IQSEC1: variants seen among roughly 807,000 people sequenced by gnomAD.
The protein encoded by IQSEC1 is IQ motif and SEC7 domain-containing protein 1.
In IQSEC1, 31 loss-of-function variants were observed where a neutral mutation model predicts 91.0. That is an observed-to-expected ratio of 0.34 (90% CI 0.26 to 0.46). The LOEUF is 0.46. IQSEC1 is among the 20% of genes least tolerant of loss of function. IQSEC1 has a pLI of 1.00. For synonymous variants in IQSEC1, 699 were observed against 662.6 expected, an observed-to-expected ratio of 1.05 and a Z score of -0.84; for missense variants, 1,388 against 1,575.6, an observed-to-expected ratio of 0.88 and a Z score of 2.02.
In IQSEC1 at chr3:12,901,159, G is replaced by A. The variant is rs1174917562; in HGVS notation, c.3169C>T (p.Gln1057Ter). ...HPPQHIQHAHQYHHGPHGGHP... is the reference protein window; with the variant it reads ...HPPQHIQHAH ...CCCCCATGGGGGCCGTGGTGGTACT[G>A]GTGTGCGTGCTGGATGTGCTGGGGT... The change falls in exon 14 of 14, where the codon CAG becomes TAG. Residue 1057 changes from glutamine (Q) to a stop codon, truncating the protein, a stop_gained. Coordinates refer to ENST00000613206, the MANE Select transcript of IQSEC1 (RefSeq NM_001134382.3). LOFTEE classifies it low-confidence loss of function (END_TRUNC). 6.5e-7 allele frequency: 1 copy of A among 1,544,170 alleles called. No homozygotes were observed.
intron 1 of IQSEC1, among the ~76,000 whole-genome samples, chr3:13,267,957 C>G (rs911883586): frequency 4.6e-5 from 7 of 152,200 alleles, no homozygotes; most frequent in Non-Finnish European, 1.0e-4. Context: ...TGTGCCCCCC[C>G]TTAACCAGCT....
chr3:13,090,060 C>CA (rs55704739), intron 2 of IQSEC1, among the ~76,000 whole-genome samples: 2 of 151,580 alleles, frequency 1.3e-5, no homozygotes, highest in Non-Finnish European at 2.9e-5. Context: ...CTAAAAAATA[C>CA]AAAAAATATT....
At chr3:12,914,994 A>G (rs574586386) in intron 8 of IQSEC1, 110 bp downstream of exon 8, 5 of 1,091,202 alleles carry the variant, frequency 4.6e-6, no homozygotes, top group Non-Finnish European at 6.8e-6. Context: ...AATGAACTCA[A>G]GCAGCCAGCA....
In IQSEC1 at chr3:13,207,526, G is replaced by A. The variant is rs955467620; in HGVS notation, c.273-43393C>T. On this transcript the variant is annotated intron_variant, in intron 1 of 15. Coordinates refer to the IQSEC1 transcript ENST00000648114. The surrounding 1 kb of genome is among the most constrained non-coding windows in gnomAD (Gnocchi z 4.8). ...CACCACCCACTGCCAACGTGCCAGTGGGTTCCCTTCGTACTCCACGCCAGT... is the reference window on the plus strand; with the variant it reads ...CACCACCCACTGCCAACGTGCCAGTAGGTTCCCTTCGTACTCCACGCCAGT... 3.3e-5 allele frequency among the ~76,000 whole-genome samples: 5 copies of A among 152,130 alleles called. No homozygotes were observed. The highest frequency in any genetic ancestry group is 1.2e-4 in the African/African-American group (5 of 41,412).
chr3:12,901,921 G>A (rs1694358858), intron 13 of IQSEC1, among the ~76,000 whole-genome samples: 1 of 152,066 alleles, frequency 6.6e-6, no homozygotes, highest in Non-Finnish European at 1.5e-5. Context: ...CCTGGAGGAG[G>A]AGCCCTGCTC....
intron 2 of IQSEC1, among the ~76,000 whole-genome samples, chr3:13,129,655 A>ATTT (rs35069619): frequency 0.27 from 31,307 of 117,998 alleles, 4,657 homozygotes; most frequent in South Asian, 0.45. Context: ...CATCTTATGA[A>ATTT]TTTTTTTTTT....
In IQSEC1 at chr3:12,903,678, C is replaced by T. The variant is rs193055021; in HGVS notation, c.2756-856G>A. 2.6e-5 allele frequency among the ~76,000 whole-genome samples: 4 copies of T among 152,308 alleles called. No individual in the cohort carries two copies. The East Asian group carries it at 5.8e-4, about 22-fold the overall frequency. ...CTGGCCCCGCCCAGCCTCCACAGTC[C>T]CTCCTGAGGACTTCTCCGTGGATTT... On this transcript the variant is annotated intron_variant, in intron 12 of 13. Transcript: ENST00000613206.
At chr3:13,018,633 G>T (rs1703253653) in intron 1 of IQSEC1, among the ~76,000 whole-genome samples, 1 of 152,214 alleles carries the variant, frequency 6.6e-6, no homozygotes, top group African/African-American at 2.4e-5. Context: ...AGAAAGGCCA[G>T]CCAGGGAAGA....
chr3:13,059,970 C>T (rs1010314124), intron 1 of IQSEC1, among the ~76,000 whole-genome samples: 2 of 152,284 alleles, frequency 1.3e-5, no homozygotes, highest in South Asian at 2.1e-4. Context: ...GGATTGGTGA[C>T]GTGCTCAGCA....
rs568360461 is a variant in IQSEC1, at chr3:12,899,422, C to G, written c.*1561G>C. ...CACAGCACTGACGGCTGCAGTGGCT[C>G]GAAAGGCTGAAACTACAAAGTATGG... On this transcript the variant is annotated 3_prime_UTR_variant, in exon 14 of 14. Coordinates refer to ENST00000613206, the MANE Select transcript of IQSEC1 (RefSeq NM_001134382.3). The G allele has an allele frequency of 1.2e-6, 2 of 1,611,446 alleles. No homozygotes were observed. Among genetic ancestry groups the G allele is most frequent in the East Asian group, 4.5e-5 (2 of 44,814 alleles).
At chr3:12,949,071 G>C (rs1398337630) in intron 1 of IQSEC1, among the ~76,000 whole-genome samples, 1 of 152,220 alleles carries the variant, frequency 6.6e-6, no homozygotes, top group Non-Finnish European at 1.5e-5. Context: ...AGGTAGCTAG[G>C]ACTGCTCCCT....
At chr3:13,242,789 G>A (rs1341468787) in intron 1 of IQSEC1, among the ~76,000 whole-genome samples, 1 of 152,132 alleles carries the variant, frequency 6.6e-6, no homozygotes, top group Non-Finnish European at 1.5e-5. Flanking sequence ...CACCGGGACT[G>A]GTTGGAGTTT....
Position 12,909,179 on chromosome 3 carries a change from C to G in IQSEC1, c.2578+94G>C. ...CAGAAAAGACTGGGGGACATCTTGT[C>G]TCTGTGAGCTCAGAAGTCACTGCCC... On this transcript the variant is annotated intron_variant, in intron 11 of 13. Coordinates refer to ENST00000613206, the MANE Select transcript of IQSEC1 (RefSeq NM_001134382.3). This position sits in a 1 kb window ranked among gnomAD's most constrained non-coding sequence, Gnocchi z 4.9. The G allele has an allele frequency of 1.5e-6, 2 of 1,327,154 alleles. No homozygotes were observed. The highest frequency in any genetic ancestry group is 2.1e-6 in the Non-Finnish European group (2 of 944,392). 82.2% of individuals were successfully genotyped at this position (1,327,154 alleles called of 1,614,324 possible).
At chr3:13,178,329 G>T (rs1226954126) in intron 1 of IQSEC1, among the ~76,000 whole-genome samples, 1 of 152,218 alleles carries the variant, frequency 6.6e-6, no homozygotes, top group Admixed American at 6.5e-5. Context: ...AGCAAATAAA[G>T]AGGCAATTTC....
intron 2 of IQSEC1, among the ~76,000 whole-genome samples, chr3:13,081,256 CCTTCAA>C (rs1255156513): frequency 2.0e-5 from 3 of 152,180 alleles, no homozygotes; most frequent in Admixed American, 2.0e-4. Flanking sequence ...TTTATTTATT[CCTTCAA>C]CTTTATTGAT....
chr3:13,242,497 C>T (rs1695036316), intron 1 of IQSEC1, among the ~76,000 whole-genome samples: 1 of 152,228 alleles, frequency 6.6e-6, no homozygotes, highest in Non-Finnish European at 1.5e-5. Flanking sequence ...CCACAGCTGG[C>T]TCCATTAGCG....
chr3:13,083,239 C>T (rs1705676590), intron 2 of IQSEC1, among the ~76,000 whole-genome samples: 1 of 152,194 alleles, frequency 6.6e-6, no homozygotes, highest in Admixed American at 6.5e-5. Context: ...ACCTACGTGC[C>T]TACCCTGTCT....
At chr3:13,097,738 T>A (rs1156459572) in intron 2 of IQSEC1, among the ~76,000 whole-genome samples, 1 of 152,230 alleles carries the variant, frequency 6.6e-6, no homozygotes, top group Non-Finnish European at 1.5e-5. Flanking sequence ...GATGCAGGGC[T>A]GAACATTTTT....
rs540061629 is a variant in IQSEC1, at chr3:12,903,382, C to T, written c.2756-560G>A. Among the ~76,000 whole-genome samples the T allele has an allele frequency of 1.1e-4, 17 of 152,316 alleles. No homozygotes were observed. In the South Asian group the frequency reaches 1.7e-3, roughly 15 times the overall value. ...ACATCCCCGCTTCCTCCCAGCTGCCCGCAGGAGCTCAGTTTTGGTTTGTGC... is the reference window on the plus strand; with the variant it reads ...ACATCCCCGCTTCCTCCCAGCTGCCTGCAGGAGCTCAGTTTTGGTTTGTGC... On this transcript the variant is annotated intron_variant, in intron 12 of 13. Coordinates refer to ENST00000613206, the MANE Select transcript of IQSEC1 (RefSeq NM_001134382.3).
Sources: allele counts gnomAD v4.1 joint callset (sites outside exome capture counted in the v4.1 genomes callset), GRCh38; gene constraint gnomAD v4.1.1; non-coding constraint Gnocchi (gnomAD v3.1); transcripts MANE v1.5; gene names NCBI Gene and HGNC (gene_info 2026-07-23, HGNC 2026-07-21).